Variants in BACH2 observed in about 807,000 individuals in gnomAD.
The protein encoded by BACH2 is BACH transcriptional regulator 2, also known as transcription regulator protein BACH2.
A neutral mutation model predicts 61.8 loss-of-function variants in BACH2; 5 were observed. The ratio of observed to expected loss-of-function variants is 0.08; its 90% CI spans 0.04 to 0.17. BACH2 has a LOEUF of 0.17. BACH2 is among the 10% of genes least tolerant of loss of function. The pLI is 1.00. For synonymous variants in BACH2, 446 were observed against 440.1 expected (o/e 1.01, Z -0.17); for missense variants, 824 against 1,091.1 (o/e 0.76, Z 3.45).
intron 4 of BACH2, among the ~76,000 whole-genome samples, chr6:90,180,739 C>T (rs1009664689): frequency 1.3e-5 from 2 of 152,060 alleles, no homozygotes; most frequent in Admixed American, 1.3e-4. Context: ...GTATTCCATA[C>T]TGTGTGAATG....
At chr6:90,151,483 G>T (rs1784810170) in intron 4 of BACH2, among the ~76,000 whole-genome samples, 1 of 152,108 alleles carries the variant, frequency 6.6e-6, no homozygotes, top group African/African-American at 2.4e-5. Context: ...TAGACACAGG[G>T]TCTCACTACA....
chr6:90,143,528 C>T (rs190390493), intron 4 of BACH2, among the ~76,000 whole-genome samples: 7 of 152,272 alleles, frequency 4.6e-5, no homozygotes, highest in Admixed American at 3.3e-4. Flanking sequence ...AGGCCAAAGC[C>T]TTCAAACCTT....
At chr6:89,988,431 A>G (rs1290867759) in intron 6 of BACH2, among the ~76,000 whole-genome samples, 1 of 152,158 alleles carries the variant, frequency 6.6e-6, no homozygotes, top group Non-Finnish European at 1.5e-5. Context: ...ATAATAACTG[A>G]GCCATCAAAA....
At chr6:90,252,057 A>G (rs1328077347) in intron 3 of BACH2, among the ~76,000 whole-genome samples, 16 of 152,238 alleles carry the variant, frequency 1.1e-4, no homozygotes. Flanking sequence ...CAAACTTTCA[A>G]CCATGGTCTG....
chr6:90,242,290 T>C (rs1336608330), intron 3 of BACH2, among the ~76,000 whole-genome samples: 1 of 152,242 alleles, frequency 6.6e-6, no homozygotes, highest in Non-Finnish European at 1.5e-5. Flanking sequence ...ATCTTTTTAC[T>C]GTCTCTATGG....
At chr6:90,214,450 G>C (rs1158236260) in intron 3 of BACH2, among the ~76,000 whole-genome samples, 1 of 152,136 alleles carries the variant, frequency 6.6e-6, no homozygotes, top group South Asian at 2.1e-4. Context: ...GGTTACTTCA[G>C]AGTGATCCAC....
At chr6:90,090,497 C>T (rs1481026814) in intron 4 of BACH2, among the ~76,000 whole-genome samples, 1 of 152,130 alleles carries the variant, frequency 6.6e-6, no homozygotes, top group South Asian at 2.1e-4. Context: ...AATACACTTG[C>T]TCCTCACGCA....
At chr6:89,988,501 T>C (rs1776363906) in intron 6 of BACH2, among the ~76,000 whole-genome samples, 4 of 152,042 alleles carry the variant, frequency 2.6e-5, no homozygotes, top group Admixed American at 2.0e-4. Context: ...CAGGAGAAAA[T>C]AGCTCAAAGC....
rs1344303245 is a variant in BACH2, at chr6:90,206,689, T to C, written c.-274-8A>G. 3 of 152,354 alleles carry C rather than the reference T, an allele frequency of 2.0e-5. No homozygotes were observed. Among genetic ancestry groups the C allele is most frequent in the African/African-American group, 7.2e-5 (3 of 41,436 alleles). The allele number at this position is 152,354 out of a possible 1,614,324, so 9.4% of individuals were successfully genotyped here. On this transcript the variant is annotated splice_polypyrimidine_tract_variant and splice_region_variant and intron_variant, in intron 3 of 8. Transcript: ENST00000257749. ...CTGAAGCAGACAGCTGCACTGTGAA[T>C]ATAAACAAAGAAGAAATCCATCAGC...
At chr6:90,277,736 C>T (rs561798140) in intron 1 of BACH2, among the ~76,000 whole-genome samples, 38 of 152,276 alleles carry the variant, frequency 2.5e-4, no homozygotes, top group Non-Finnish European at 4.7e-4. Flanking sequence ...ATGGAAGAAG[C>T]TTAAGAGCTA....
chr6:89,974,746 A>G (rs959814378), intron 6 of BACH2, among the ~76,000 whole-genome samples: 2 of 152,242 alleles, frequency 1.3e-5, no homozygotes, highest in African/African-American at 4.8e-5. Context: ...CTAGAGGTAT[A>G]TGGGCTCCAG....
chr6:89,979,877 G>A (rs1319528835), intron 6 of BACH2, among the ~76,000 whole-genome samples: 1 of 152,178 alleles, frequency 6.6e-6, no homozygotes, highest in Non-Finnish European at 1.5e-5. Flanking sequence ...TAGACACTGG[G>A]CTACCGAAAA....
At chr6:90,033,638 C>T (rs994845613) in intron 5 of BACH2, among the ~76,000 whole-genome samples, 42 of 151,748 alleles carry the variant, frequency 2.8e-4, no homozygotes, top group Non-Finnish European at 4.1e-4. Context: ...ACAGCATATG[C>T]GTTGTTAAAT....
chr6:90,079,256 G>A (rs967401217), intron 5 of BACH2, among the ~76,000 whole-genome samples: 63 of 152,148 alleles, frequency 4.1e-4, no homozygotes, highest in Non-Finnish European at 5.1e-4. Flanking sequence ...CAGGGCAGGC[G>A]TGTGCTCATC....
intron 4 of BACH2, among the ~76,000 whole-genome samples, chr6:90,153,993 G>C (rs755760769): frequency 1.4e-4 from 22 of 152,060 alleles, no homozygotes; most frequent in Non-Finnish European, 2.9e-4. Context: ...TTTGATTATG[G>C]TCATTGGAGC....
intron 5 of BACH2, among the ~76,000 whole-genome samples, chr6:90,047,384 C>G (rs560996968): frequency 6.6e-6 from 1 of 152,178 alleles, no homozygotes; most frequent in African/African-American, 2.4e-5. Context: ...TAGAGTTATA[C>G]TGGCACGTCC....
At chr6:90,217,031 T>C (rs891690508) in intron 3 of BACH2, among the ~76,000 whole-genome samples, 1 of 152,278 alleles carries the variant, frequency 6.6e-6, no homozygotes, top group Non-Finnish European at 1.5e-5. Context: ...TGTGGCACCA[T>C]GCAACTTGGG....
chr6:90,261,173 T>C (rs1258329349), intron 2 of BACH2, among the ~76,000 whole-genome samples: 1 of 152,192 alleles, frequency 6.6e-6, no homozygotes. Flanking sequence ...ACACCCAGTC[T>C]TTCCTCCTTT....
intron 3 of BACH2, among the ~76,000 whole-genome samples, chr6:90,209,045 G>A (rs1413727307): frequency 7.5e-6 from 1 of 132,510 alleles, no homozygotes; most frequent in African/African-American, 2.9e-5. Flanking sequence ...ATACACCAGG[G>A]CCTGTCGGGG....
Sources: allele counts gnomAD v4.1 joint callset (sites outside exome capture counted in the v4.1 genomes callset), GRCh38; gene constraint gnomAD v4.1.1; transcripts MANE v1.5; gene names NCBI Gene and HGNC (gene_info 2026-07-23, HGNC 2026-07-21).